GCLC: variants seen among roughly 807,000 people sequenced by gnomAD.
The protein encoded by GCLC is glutamate--cysteine ligase catalytic subunit.
GCLC carries 30 observed loss-of-function variants against 81.5 expected under a neutral mutation model. The observed-to-expected ratio is 0.37, with a 90% CI of 0.28 to 0.50. The LOEUF (loss-of-function observed/expected upper bound fraction) is 0.50, where lower values mean the gene tolerates loss of function less well. Ranked by LOEUF, GCLC falls within the 20% of genes least tolerant of loss-of-function variation. The probability of loss-of-function intolerance (pLI) is 0.96; values close to 1 mark genes in which losing one functional copy is unlikely to be tolerated. For synonymous variants in GCLC, 262 were observed against 273.3 expected (o/e 0.96, Z 0.41); for missense variants, 556 against 777.4 (o/e 0.72, Z 3.39).
intron 2 of GCLC, among the ~76,000 whole-genome samples, chr6:53,521,960 T>G (rs1763006291): frequency 1.3e-5 from 2 of 151,858 alleles, no homozygotes; most frequent in Non-Finnish European, 2.9e-5. Flanking sequence ...GACGACAGAG[T>G]GAGACTCCGT....
chr6:53,522,501 A>T lies in GCLC; in HGVS notation c.177T>A (p.Asp59Glu), dbSNP rs141282414. The change falls in exon 2 of 16, where the codon GAT (aspartate) becomes GAA (glutamate). Residue 59 changes from aspartate to glutamate, a missense_variant. Asp to Glu is a conservative substitution (Grantham distance 45). This residue lies in a region of GCLC where 234 missense variants were observed against 303.8 expected (regional missense o/e 0.77). Transcript: ENST00000650454. ...DEVEYMLVSF[D>E]HENKKVRLVL... ...CCAACCGGACTTTTTTATTTTCATG[A>T]TCAAAAGATACCAACATGTATTCCA... 6.2e-7 allele frequency: 1 copy of T among 1,606,508 alleles called. No homozygotes were observed. Among genetic ancestry groups the T allele is most frequent in the Non-Finnish European group, 8.5e-7 (1 of 1,173,190 alleles).
intron 1 of GCLC, among the ~76,000 whole-genome samples, chr6:53,539,684 C>T (rs1381070541): frequency 6.6e-6 from 1 of 152,140 alleles, no homozygotes; most frequent in African/African-American, 2.4e-5. Context: ...TGATATGATG[C>T]CCATAAAGCC....
intron 3 of GCLC, 88 bp from the exon 4 acceptor site, chr6:53,516,310 C>T (rs1018417320): frequency 1.3e-5 from 11 of 822,980 alleles, no homozygotes; most frequent in South Asian, 2.8e-5. Flanking sequence ...CTGCCAAAGA[C>T]ACCTCATTTC....
intron 1 of GCLC, among the ~76,000 whole-genome samples, chr6:53,540,612 A>G (rs929254818): frequency 6.6e-6 from 1 of 151,786 alleles, no homozygotes; most frequent in South Asian, 2.1e-4. Flanking sequence ...TAACAATACT[A>G]TATTTGTGCA....
At chr6:53,500,534 C>A in intron 12 of GCLC, 21 bp from the exon 13 acceptor site, 1 of 1,524,742 alleles carries the variant, frequency 6.6e-7, no homozygotes, top group Non-Finnish European at 9.1e-7. Flanking sequence ...AAAAGAATCA[C>A]GACTAAGTCA....
At chr6:53,537,560 T>G (rs1209189118) in intron 1 of GCLC, among the ~76,000 whole-genome samples, 1 of 151,890 alleles carries the variant, frequency 6.6e-6, no homozygotes, top group Non-Finnish European at 1.5e-5. Flanking sequence ...CAGCACACTG[T>G]GATGGTGTCA....
intron 6 of GCLC, among the ~76,000 whole-genome samples, chr6:53,511,674 T>C (rs1187177245): frequency 6.6e-6 from 1 of 151,666 alleles, no homozygotes; most frequent in Non-Finnish European, 1.5e-5. Flanking sequence ...ATGGCTTTAA[T>C]GGAAGGAAAA....
In GCLC at chr6:53,509,263, T is replaced by G. The variant is rs1247046341; in HGVS notation, c.754-13A>C. On this transcript the variant is annotated splice_polypyrimidine_tract_variant and intron_variant, in intron 6 of 15. Transcript: ENST00000650454. ...CTTGGAATGTCACCTGTTTAAGAAT[T>G]GCAAAGTTATTAACACCAAGGAATC... 2 of 1,516,882 alleles carry G rather than the reference T, an allele frequency of 1.3e-6. No homozygotes were observed. Among genetic ancestry groups the G allele is most frequent in the African/African-American group, 1.4e-5 (1 of 73,034 alleles). 94.0% of individuals were successfully genotyped at this position (1,516,882 alleles called of 1,614,324 possible).
intron 12 of GCLC, chr6:53,501,081 TA>T (rs976622192): frequency 2.4e-5 from 4 of 169,726 alleles, no homozygotes; most frequent in African/African-American, 7.2e-5. Context: ...CACACTCGGC[TA>T]ATTTTTTTGT....
chr6:53,525,930 C>T (rs1017936627), intron 1 of GCLC, among the ~76,000 whole-genome samples: 2 of 152,170 alleles, frequency 1.3e-5, no homozygotes, highest in African/African-American at 2.4e-5. Flanking sequence ...CTCTGCAAGA[C>T]ATTCAGATTT....
chr6:53,506,086 T>G lies in GCLC; in HGVS notation c.1198-191A>C, dbSNP rs17880221. The G allele has an allele frequency of 4.8e-3, 2,787 of 575,002 alleles. 45 individuals carry two copies. Among genetic ancestry groups the G allele is most frequent in the African/African-American group, 0.037 (2,005 of 53,504 alleles). The allele number at this position is 575,002 out of a possible 1,614,324, so 35.6% of individuals were successfully genotyped here. ...TAGGAAAACAAAACAGCCAAGTGTT[T>G]AACAAAAGCTATGAGGCCCTATCAC... On this transcript the variant is annotated intron_variant, in intron 10 of 15. Coordinates refer to ENST00000650454, the MANE Select transcript of GCLC (RefSeq NM_001498.4). This position sits in a 1 kb window ranked among gnomAD's most constrained non-coding sequence, Gnocchi z 4.0.
intron 6 of GCLC, among the ~76,000 whole-genome samples, chr6:53,511,204 G>T (rs1036471164): frequency 2.1e-5 from 3 of 143,146 alleles, no homozygotes; most frequent in Non-Finnish European, 4.7e-5. Context: ...AAAAAAGTGG[G>T]GGGGGGGTGC....
At chr6:53,510,927 A>C in intron 6 of GCLC, among the ~76,000 whole-genome samples, 1 of 152,218 alleles carries the variant, frequency 6.6e-6, no homozygotes, top group South Asian at 2.1e-4. Context: ...GTAGACACAA[A>C]TTGATAAGGG....
rs576548590 is a variant in GCLC, at chr6:53,516,194, C to T, written c.475G>A (p.Glu159Lys). The change falls in exon 4 of 16, where the codon GAG becomes AAG. Residue 159 changes from glutamate (E) to lysine (K), a missense_variant. Physicochemically the swap from Glu to Lys is moderately conservative, Grantham distance 56 (BLOSUM62 1). Around this residue, in one of 3 missense-constraint regions of GCLC, gnomAD observed 234 missense variants for 303.8 expected, o/e 0.77. Transcript: ENST00000650454. ...CCTTCCACTGGGTTGGGTTTGACCT[C>T]GGGCAGTGTGAACCCAGGACAGCCT... The part of the protein sequence containing the change: ...RLGCPGFTLP[E>K]VKPNPVEGGA... 5 of 1,612,810 alleles carry T rather than the reference C, an allele frequency of 3.1e-6. No individual in the cohort carries two copies. The highest frequency in any genetic ancestry group is 1.3e-5 in the African/African-American group (1 of 74,978).
At chr6:53,539,812 T>C (rs1763321824) in intron 1 of GCLC, among the ~76,000 whole-genome samples, 1 of 152,202 alleles carries the variant, frequency 6.6e-6, no homozygotes, top group South Asian at 2.1e-4. Flanking sequence ...CTGCGCAGCC[T>C]GTTTCTCAGT....
At position 53,514,654 on chromosome 6, in the gene GCLC, C is replaced by T. The variant is rs1029739431; in HGVS notation, c.561-157G>A. 3.1e-5 allele frequency: 22 copies of T among 710,402 alleles called. No individual in the cohort carries two copies. In the African/African-American group the frequency reaches 3.3e-4, roughly 11 times the overall value. The allele number at this position is 710,402 out of a possible 1,614,324, so 44.0% of individuals were successfully genotyped here. A position where few individuals can be genotyped will look rare whatever the true frequency, so the allele number is the denominator to read the frequency against. On this transcript the variant is annotated intron_variant, in intron 4 of 15. Coordinates refer to ENST00000650454, the MANE Select transcript of GCLC (RefSeq NM_001498.4). Reference sequence around the variant, plus strand: ...ATGTATCTGTGGTGTCAAGACACTACAAGGGAACTTTGTGATTAAAGATTT... The same window carrying T: ...ATGTATCTGTGGTGTCAAGACACTATAAGGGAACTTTGTGATTAAAGATTT...
chr6:53,540,373 C>T (rs192931695), intron 1 of GCLC, among the ~76,000 whole-genome samples: 27 of 149,312 alleles, frequency 1.8e-4, no homozygotes, highest in African/African-American at 6.7e-4. Context: ...ATTTAGATGA[C>T]CCTTGAGGAC....
Position 53,497,385 on chromosome 6 carries a change from C to A in GCLC, c.*1371G>T, listed in dbSNP as rs1303451453. 6.6e-6 allele frequency: 1 copy of A among 152,206 alleles called. No homozygotes were observed. The highest frequency in any genetic ancestry group is 6.5e-5 in the Admixed American group (1 of 15,282). The allele number at this position is 152,206 out of a possible 1,614,324, so 9.4% of individuals were successfully genotyped here. ...TCCATTCTTTTATTTCCTCATACCA[C>A]AAACATTTCAATTTATCTGCCTTTT... On this transcript the variant is annotated 3_prime_UTR_variant, in exon 16 of 16. Transcript: ENST00000650454.
intron 9 of GCLC, 32 bp downstream of exon 9, chr6:53,507,448 T>C: frequency 6.2e-7 from 1 of 1,611,040 alleles, no homozygotes; most frequent in Non-Finnish European, 8.5e-7. Context: ...AAGGCGTACA[T>C]TCAAACCCAG....
Sources: allele counts gnomAD v4.1 joint callset (sites outside exome capture counted in the v4.1 genomes callset), GRCh38; gene constraint gnomAD v4.1.1; regional missense constraint gnomAD v4.1.1; non-coding constraint Gnocchi (gnomAD v3.1); transcripts MANE v1.5; gene names NCBI Gene and HGNC (gene_info 2026-07-23, HGNC 2026-07-21).